The following KMT2C variants were observed in gnomAD, a reference collection of about 807,000 sequenced individuals.
KMT2C encodes the protein lysine methyltransferase 2C, also known as histone-lysine N-methyltransferase 2C.
A neutral mutation model predicts 507.9 loss-of-function variants in KMT2C; 88 were observed. The ratio of observed to expected loss-of-function variants is 0.17; its 90% CI spans 0.15 to 0.21. The LOEUF (loss-of-function observed/expected upper bound fraction) is 0.21, where lower values mean the gene tolerates loss of function less well. Ranked by LOEUF, KMT2C falls within the 10% of genes least tolerant of loss-of-function variation. The probability of loss-of-function intolerance (pLI) is 1.00; values close to 1 mark genes in which losing one functional copy is unlikely to be tolerated. For synonymous variants in KMT2C, 2,049 were observed against 2,080.8 expected (o/e 0.98, Z 0.42); for missense variants, 4,954 against 5,957.8 (o/e 0.83, Z 5.55).
intron 1 of KMT2C, chr7:152,368,776 A>G: frequency 1.3e-6 from 1 of 752,244 alleles, no homozygotes; most frequent in Admixed American, 2.8e-5. Flanking sequence ...GATGGATTTA[A>G]CAGCGTGACA....
intron 7 of KMT2C, among the ~76,000 whole-genome samples, chr7:152,267,252 C>A (rs1396024270): frequency 6.6e-6 from 1 of 152,224 alleles, no homozygotes; most frequent in Non-Finnish European, 1.5e-5. Context: ...CCCTAGAATT[C>A]TTTCATAAAC....
intron 6 of KMT2C, among the ~76,000 whole-genome samples, chr7:152,276,478 C>T (rs537022670): frequency 5.9e-5 from 9 of 152,200 alleles, no homozygotes; most frequent in African/African-American, 2.2e-4. Context: ...CTTGGCCGGG[C>T]ATGGTGGCTC....
Position 152,248,268 on chromosome 7 carries a change from T to A in KMT2C, c.2166A>T (p.Gly722=), listed in dbSNP as rs2129164169. ...EEQLVIERLQ[G]EKEQKENSEL... ...CAGAATTTTCTTTCTGTTCCTTTTC[T>A]CCTTGTAGCCTTTCTATAACCAACT... Residue 722 remains glycine (G), a synonymous_variant, in exon 14 of 59, where the codon GGA becomes GGT. Transcript: ENST00000262189. 6.2e-7 allele frequency: 1 copy of A among 1,613,932 alleles called. No individual in the cohort carries two copies.
chr7:152,339,674 T>C (rs1489204533), intron 2 of KMT2C, among the ~76,000 whole-genome samples: 1 of 152,126 alleles, frequency 6.6e-6, no homozygotes, highest in East Asian at 1.9e-4. Flanking sequence ...AGAACCCCTG[T>C]TCTGTATGTG....
chr7:152,262,751 T>C (rs186385370), intron 9 of KMT2C, among the ~76,000 whole-genome samples: 1 of 152,264 alleles, frequency 6.6e-6, no homozygotes, highest in African/African-American at 2.4e-5. Context: ...TACTAATCTA[T>C]AGTGAAAAAG....
At chr7:152,435,267 C>G (rs1156478563) in intron 1 of KMT2C, among the ~76,000 whole-genome samples, 1 of 152,030 alleles carries the variant, frequency 6.6e-6, no homozygotes, top group Non-Finnish European at 1.5e-5. Context: ...ACTACCTGGG[C>G]GCGCTCCGGG....
intron 6 of KMT2C, among the ~76,000 whole-genome samples, chr7:152,274,489 T>C (rs1027285426): frequency 6.6e-5 from 10 of 152,244 alleles, no homozygotes; most frequent in African/African-American, 2.4e-4. Flanking sequence ...GCCTCCATTA[T>C]CTTGCAAGTG....
chr7:152,192,210 G>A (rs1047508734), intron 31 of KMT2C, among the ~76,000 whole-genome samples: 2 of 152,154 alleles, frequency 1.3e-5, no homozygotes, highest in African/African-American at 4.8e-5. Flanking sequence ...ATTTTTATAT[G>A]TTGAAAAGAG....
intron 12 of KMT2C, 111 bp from the exon 13 acceptor site, chr7:152,250,064 T>A: frequency 3.1e-6 from 2 of 647,306 alleles, no homozygotes; most frequent in Non-Finnish European, 5.5e-6. Context: ...CAATTTCCAA[T>A]ATAAGCATGA....
In KMT2C at chr7:152,162,365, C is replaced by G; in HGVS notation, c.11212G>C (p.Glu3738Gln). ...CCTTCTACCTTACTACCATTCTGTT[C>G]CTCCAATTTAGGCTCCTCTTGGCCT... ...CPGQEEPKLE[E>Q]QNGSKVEGNA... The change falls in exon 43 of 59, where the codon GAA becomes CAA. Residue 3738 changes from glutamate to glutamine, a missense_variant. Around this residue, in one of 29 missense-constraint regions of KMT2C, gnomAD observed 801 missense variants for 751.2 expected, o/e 1.07. Transcript: ENST00000262189. 1 of 1,614,240 alleles carries G rather than the reference C, an allele frequency of 6.2e-7. No homozygotes were observed. Among genetic ancestry groups the G allele is most frequent in the Non-Finnish European group, 8.5e-7 (1 of 1,180,046 alleles).
In KMT2C at chr7:152,253,471, C is replaced by G. The variant is rs75094076; in HGVS notation, c.1300-756G>C. Among the ~76,000 whole-genome samples the G allele has an allele frequency of 1.7e-3, 234 of 134,696 alleles. 1 individual carries two copies. The highest frequency in any genetic ancestry group is 4.7e-3 in the Admixed American group (58 of 12,276). 88.4% of individuals were successfully genotyped at this position (134,696 alleles called of 152,430 possible). On this transcript the variant is annotated intron_variant, in intron 9 of 58. Transcript: ENST00000262189. ...GGGAGGATCGCATGAAGCCAGGGATCCGAGACCAATCTGGGCAAGAAGGCA... is the reference window on the plus strand; with the variant it reads ...GGGAGGATCGCATGAAGCCAGGGATGCGAGACCAATCTGGGCAAGAAGGCA...
chr7:152,198,123 T>G (rs2094018712), intron 27 of KMT2C, among the ~76,000 whole-genome samples: 1 of 152,146 alleles, frequency 6.6e-6, no homozygotes, highest in African/African-American at 2.4e-5. Context: ...ATACATTATT[T>G]TTAACAACAT....
intron 7 of KMT2C, among the ~76,000 whole-genome samples, chr7:152,271,797 T>C (rs915009457): frequency 2.6e-5 from 4 of 152,132 alleles, no homozygotes; most frequent in Non-Finnish European, 5.9e-5. Flanking sequence ...GATATTTTTC[T>C]ACTGCAAGGT....
At chr7:152,299,319 A>AAAATAAATAAAT (rs71294474) in intron 6 of KMT2C, among the ~76,000 whole-genome samples, 1,582 of 146,754 alleles carry the variant, frequency 0.011, 21 homozygotes, top group African/African-American at 0.033. Context: ...TCTATCTCAA[A>AAAATAAATAAAT]AAATAAATAA....
At chr7:152,219,774 A>G (rs1458664162) in intron 23 of KMT2C, among the ~76,000 whole-genome samples, 2 of 152,052 alleles carry the variant, frequency 1.3e-5, no homozygotes, top group Non-Finnish European at 2.9e-5. Flanking sequence ...GGCTGAGCAG[A>G]GCAGATGGTT....
At chr7:152,175,905 T>C (rs957006239) in intron 38 of KMT2C, among the ~76,000 whole-genome samples, 2 of 152,080 alleles carry the variant, frequency 1.3e-5, no homozygotes, top group Non-Finnish European at 2.9e-5. Context: ...TGGCCAGGCA[T>C]GGTGGCACGT....
chr7:152,306,488 T>TG (rs1336337471), intron 6 of KMT2C, among the ~76,000 whole-genome samples: 2 of 152,244 alleles, frequency 1.3e-5, no homozygotes, highest in Admixed American at 1.3e-4. Flanking sequence ...GCTATATGGA[T>TG]GTAACACAGT....
At chr7:152,182,640 G>T in intron 35 of KMT2C, 46 bp from the exon 36 acceptor site, 1 of 1,467,906 alleles carries the variant, frequency 6.8e-7, no homozygotes, top group Non-Finnish European at 9.1e-7. Flanking sequence ...GGTTAAGGAA[G>T]AAAACTACCA....
intron 6 of KMT2C, among the ~76,000 whole-genome samples, chr7:152,302,024 G>GCCC (rs2096573527): frequency 3.3e-5 from 5 of 152,142 alleles, no homozygotes; most frequent in Non-Finnish European, 5.9e-5. Context: ...GGCTATTTTT[G>GCCC]TTTCTGCAGT....
Sources: allele counts gnomAD v4.1 joint callset (sites outside exome capture counted in the v4.1 genomes callset), GRCh38; gene constraint gnomAD v4.1.1; regional missense constraint gnomAD v4.1.1; transcripts MANE v1.5; gene names NCBI Gene and HGNC (gene_info 2026-07-23, HGNC 2026-07-21).